The following CELSR1 variants were observed in gnomAD, a reference collection of about 807,000 sequenced individuals.
CELSR1 encodes the protein cadherin EGF LAG seven-pass G-type receptor 1, also known as adhesion G protein-coupled receptor C1.
CELSR1 carries 110 observed loss-of-function variants against 249.1 expected under a neutral mutation model. That is an observed-to-expected ratio of 0.44 (90% CI 0.38 to 0.52). The LOEUF is 0.52. Ranked by LOEUF, CELSR1 falls within the 20% of genes least tolerant of loss-of-function variation. The pLI is 0.00. For synonymous variants in CELSR1, 2,113 were observed against 1,900.0 expected (o/e 1.11, Z -2.92); for missense variants, 4,109 against 4,296.4 (o/e 0.96, Z 1.22).
Position 46,517,837 on chromosome 22 carries a change from C to G in CELSR1, c.3544+15790G>C, listed in dbSNP as rs2080644010. ...AGGGAAAGGGAGGGTGAGCTGTCAT[C>G]TGAAAGCACCCACCACCCTGTGTCC... On this transcript the variant is annotated intron_variant, in intron 1 of 34. Transcript: ENST00000674500. The surrounding 1 kb of genome is among the most constrained non-coding windows in gnomAD (Gnocchi z 5.4). 6.6e-6 allele frequency among the ~76,000 whole-genome samples: 1 copy of G among 151,810 alleles called. No individual in the cohort carries two copies.
chr22:46,364,359 C>A, intron 33 of CELSR1, 108 bp from the exon 34 acceptor site: 2 of 1,526,782 alleles, frequency 1.3e-6, no homozygotes, highest in Non-Finnish European at 1.8e-6. Context: ...CCTCCTGGTT[C>A]CCCGGGTCCC....
chr22:46,495,847 C>T (rs889251627), intron 1 of CELSR1, among the ~76,000 whole-genome samples: 8 of 151,676 alleles, frequency 5.3e-5, no homozygotes, highest in Non-Finnish European at 1.5e-5. Flanking sequence ...TTATTTGATA[C>T]TAAATTAACC....
At position 46,437,352 on chromosome 22, in the gene CELSR1, T is replaced by C. The variant is rs927164064; in HGVS notation, c.4407-1063A>G. Among the ~76,000 whole-genome samples, 2 of 152,248 alleles carry C rather than the reference T, an allele frequency of 1.3e-5. No homozygotes were observed. Among genetic ancestry groups the C allele is most frequent in the Non-Finnish European group, 2.9e-5 (2 of 68,040 alleles). On this transcript the variant is annotated intron_variant, in intron 3 of 34. Coordinates refer to ENST00000674500, the MANE Select transcript of CELSR1 (RefSeq NM_001378328.1). The surrounding 1 kb of genome is among the most constrained non-coding windows in gnomAD (Gnocchi z 4.9). ...GGCTGGGTGTCTCCACCATCAGAGATACACGGCAGGAACTCCTTTTAACCT... is the reference window on the plus strand; with the variant it reads ...GGCTGGGTGTCTCCACCATCAGAGACACACGGCAGGAACTCCTTTTAACCT...
intron 1 of CELSR1, among the ~76,000 whole-genome samples, chr22:46,507,695 C>G (rs532676234): frequency 2.0e-5 from 3 of 152,158 alleles, no homozygotes; most frequent in Non-Finnish European, 4.4e-5. Flanking sequence ...CCTCTCCCAT[C>G]CCTGAAACTT....
At chr22:46,463,067 G>T (rs2080050636) in intron 2 of CELSR1, 1 of 327,244 alleles carries the variant, frequency 3.1e-6, no homozygotes. Context: ...CCACTTAAAA[G>T]CAACTCATGT....
intron 1 of CELSR1, among the ~76,000 whole-genome samples, chr22:46,474,518 A>T (rs1048905076): frequency 2.0e-5 from 3 of 152,164 alleles, no homozygotes; most frequent in Admixed American, 6.6e-5. Flanking sequence ...GACATTGTGT[A>T]AAACTCAAAT....
At chr22:46,510,397 GTAAT>G (rs985894299) in intron 1 of CELSR1, among the ~76,000 whole-genome samples, 17 of 152,222 alleles carry the variant, frequency 1.1e-4, no homozygotes, top group Middle Eastern at 3.4e-3. Flanking sequence ...CCCCTTGGAG[GTAAT>G]TAAAGTGAGC....
At chr22:46,424,288 A>C (rs757151448) in intron 5 of CELSR1, among the ~76,000 whole-genome samples, 3 of 151,830 alleles carry the variant, frequency 2.0e-5, no homozygotes, top group Admixed American at 6.6e-5. Flanking sequence ...TATGTTGCCC[A>C]GGCTGATCTT....
intron 1 of CELSR1, among the ~76,000 whole-genome samples, chr22:46,514,757 TG>T (rs2080609522): frequency 6.6e-6 from 1 of 152,080 alleles, no homozygotes; most frequent in Non-Finnish European, 1.5e-5. Flanking sequence ...CTGAATGAAT[TG>T]CCCAGCCCTG....
At chr22:46,404,188 G>A (rs1030861348) in intron 9 of CELSR1, among the ~76,000 whole-genome samples, 69 of 151,874 alleles carry the variant, frequency 4.5e-4, no homozygotes, top group African/African-American at 1.5e-3. Context: ...GAGGCGGGTG[G>A]GTCACCTGAG....
Position 46,488,588 on chromosome 22 carries a change from C to T in CELSR1, c.3545-24243G>A, listed in dbSNP as rs116516109. The stretch of plus-strand genomic sequence containing the variant: ...ACACAAAAAGAACAAACGCACCCCC[C>T]GCGCCACAGTGGAAAGTCCCCAGAA... On this transcript the variant is annotated intron_variant, in intron 1 of 34. Coordinates refer to ENST00000674500, the MANE Select transcript of CELSR1 (RefSeq NM_001378328.1). The surrounding 1 kb of genome is among the most constrained non-coding windows in gnomAD (Gnocchi z 4.7). Among the ~76,000 whole-genome samples the T allele has an allele frequency of 6.6e-6, 1 of 152,130 alleles. No individual in the cohort carries two copies. The highest frequency in any genetic ancestry group is 6.5e-5 in the Admixed American group (1 of 15,290).
rs111528810 is a variant in CELSR1, at chr22:46,395,177, C to T, written c.5844-915G>A. 1.1e-3 allele frequency among the ~76,000 whole-genome samples: 171 copies of T among 149,534 alleles called. 1 individual carries two copies. Among genetic ancestry groups the T allele is most frequent in the Middle Eastern group, 0.01 (3 of 290 alleles). On this transcript the variant is annotated intron_variant, in intron 13 of 34. Transcript: ENST00000674500. The surrounding 1 kb of genome is among the most constrained non-coding windows in gnomAD (Gnocchi z 5.5). ...GGCGTTTATGGATGTGTGTGTGCAG[C>T]GTGGGGGCCCCAGAACCTTCATCCC...
chr22:46,467,964 C>A (rs934551481), intron 1 of CELSR1, among the ~76,000 whole-genome samples: 6 of 152,102 alleles, frequency 3.9e-5, no homozygotes, highest in African/African-American at 1.4e-4. Flanking sequence ...TTAGCATGTA[C>A]CGTTTGGGTT....
rs374242625 is a variant in CELSR1 at position 46,535,031 on chromosome 22, G to T, written c.2140C>A (p.Arg714Ser). 1.2e-6 allele frequency: 2 copies of T among 1,612,462 alleles called. No individual in the cohort carries two copies. The highest frequency in any genetic ancestry group is 1.6e-4 in the Middle Eastern group (1 of 6,062). ...SSVLTLQARD[R>S]DANSVITYQL... ...TAGGTAATCACACTGTTGGCGTCAC[G>T]GTCGCGGGCCTGCAGGGTCAGCACG... The change falls in exon 1 of 35, where the codon CGT becomes AGT. Residue 714 changes from arginine to serine, a missense_variant. Around this residue, in one of 7 missense-constraint regions of CELSR1, gnomAD observed 886 missense variants for 896.5 expected, o/e 0.99. Coordinates refer to ENST00000674500, the MANE Select transcript of CELSR1 (RefSeq NM_001378328.1).
chr22:46,381,852 C>T lies in CELSR1; in HGVS notation c.7082G>A (p.Ser2361Asn). The change falls in exon 21 of 35, where the codon AGC (serine) becomes AAC (asparagine). Residue 2361 changes from serine (S) to asparagine (N), a missense_variant. By Grantham distance (46) the Ser-to-Asn change is conservative. This residue lies in a region of CELSR1 where 1,805 missense variants were observed against 1,831.6 expected (regional missense o/e 0.99). Coordinates refer to ENST00000674500, the MANE Select transcript of CELSR1 (RefSeq NM_001378328.1). This position sits in a 1 kb window ranked among gnomAD's most constrained non-coding sequence, Gnocchi z 6.0. The part of the protein sequence containing the change: ...LPERYDPDRR[S>N]LRLPHRPIIN... ...CCCCGTGCCCAGGCCTTACCGGAGG[C>T]TGCGACGGTCGGGGTCGTAGCGCTC... 1 of 1,553,092 alleles carries T rather than the reference C, an allele frequency of 6.4e-7. No individual in the cohort carries two copies.
At chr22:46,507,144 C>G (rs975459778) in intron 1 of CELSR1, among the ~76,000 whole-genome samples, 1 of 152,140 alleles carries the variant, frequency 6.6e-6, no homozygotes, top group African/African-American at 2.4e-5. Context: ...TGAGACCGCA[C>G]CACTGCACTC....
intron 1 of CELSR1, chr22:46,530,495 G>A (rs1185207634): frequency 2.0e-5 from 3 of 152,004 alleles, no homozygotes; most frequent in Non-Finnish European, 1.5e-5. Context: ...CATCAGCCAC[G>A]TTGCCCTGAA....
intron 2 of CELSR1, among the ~76,000 whole-genome samples, chr22:46,443,448 C>T (rs1569166850): frequency 6.6e-6 from 1 of 152,194 alleles, no homozygotes; most frequent in Non-Finnish European, 1.5e-5. Flanking sequence ...AGCCCTAGAC[C>T]CTCATCCAGG....
At chr22:46,442,748 G>A (rs186320698) in intron 2 of CELSR1, among the ~76,000 whole-genome samples, 16 of 152,278 alleles carry the variant, frequency 1.1e-4, no homozygotes, top group South Asian at 2.1e-4. Context: ...TTCTCCCTCT[G>A]CTTCCCCCAG....
Sources: allele counts gnomAD v4.1 joint callset (sites outside exome capture counted in the v4.1 genomes callset), GRCh38; gene constraint gnomAD v4.1.1; regional missense constraint gnomAD v4.1.1; non-coding constraint Gnocchi (gnomAD v3.1); transcripts MANE v1.5; gene names NCBI Gene and HGNC (gene_info 2026-07-23, HGNC 2026-07-21).